The following NRG3 variants were observed in gnomAD, a reference collection of about 807,000 sequenced individuals.
NRG3 encodes pro-neuregulin-3, membrane-bound isoform.
In NRG3, 31 loss-of-function variants were observed where a neutral mutation model predicts 66.9. That is an observed-to-expected ratio of 0.46 (90% CI 0.35 to 0.63). The LOEUF (loss-of-function observed/expected upper bound fraction) is 0.63. Ranked by LOEUF, NRG3 falls within the 20% of genes least tolerant of loss-of-function variation. The pLI, the probability that NRG3 is intolerant of heterozygous loss-of-function variation, is 0.00. For missense variants in NRG3, 910 were observed against 878.9 expected, an observed-to-expected ratio of 1.04 and a Z score of -0.45; for synonymous variants, 393 against 359.4, an observed-to-expected ratio of 1.09 and a Z score of -1.06.
At position 82,460,957 on chromosome 10, in the gene NRG3, G is replaced by A. The variant is rs576692684; in HGVS notation, c.953+102089G>A. ...GCTGTTTTTCACATTACTCTGAAAG[G>A]TTTCTAAGTTATACTTCTTTATGTG... On this transcript the variant is annotated intron_variant, in intron 2 of 8. Transcript: ENST00000372141. Among the ~76,000 whole-genome samples the A allele has an allele frequency of 1.4e-4, 22 of 152,180 alleles. No individual in the cohort carries two copies. In the South Asian group the frequency reaches 4.2e-3, roughly 29 times the overall value.
chr10:82,419,652 A>G (rs1169049114), intron 2 of NRG3, among the ~76,000 whole-genome samples: 3 of 152,180 alleles, frequency 2.0e-5, no homozygotes, highest in African/African-American at 7.2e-5. Context: ...TGTGGAAATA[A>G]TGTATTTTGA....
rs183995920 is a variant in NRG3, at chr10:82,276,864, T to A, written c.824-81875T>A. Among the ~76,000 whole-genome samples, 32 of 152,146 alleles carry A rather than the reference T, an allele frequency of 2.1e-4. No individual in the cohort carries two copies. In the East Asian group the frequency reaches 4.6e-3, roughly 22 times the overall value. The stretch of plus-strand genomic sequence containing the variant: ...GTGTGTGTATAGCACAGAAAACTTA[T>A]CAAACCTTAAAATGTAGCAGTTAAA... On this transcript the variant is annotated intron_variant, in intron 1 of 8. Coordinates refer to ENST00000372141, the MANE Select transcript of NRG3 (RefSeq NM_001010848.4).
At chr10:82,334,101 C>T (rs552320097) in intron 1 of NRG3, among the ~76,000 whole-genome samples, 2 of 132,780 alleles carry the variant, frequency 1.5e-5, no homozygotes, top group East Asian at 2.3e-4. Context: ...ACCCGGAAGG[C>T]GGAGCTTGCA....
At chr10:82,957,195 A>G (rs1414363574) in intron 5 of NRG3, among the ~76,000 whole-genome samples, 1 of 151,956 alleles carries the variant, frequency 6.6e-6, no homozygotes, top group Middle Eastern at 3.2e-3. Flanking sequence ...TGCAGCCACC[A>G]CAGTGTCCGT....
intron 2 of NRG3, among the ~76,000 whole-genome samples, chr10:82,470,312 G>T (rs1240533970): frequency 6.6e-6 from 1 of 152,222 alleles, no homozygotes; most frequent in African/African-American, 2.4e-5. Flanking sequence ...TGAAAGATCT[G>T]TCCTCACTAC....
intron 1 of NRG3, among the ~76,000 whole-genome samples, chr10:82,035,010 A>G (rs939589457): frequency 2.6e-5 from 4 of 152,120 alleles, no homozygotes; most frequent in African/African-American, 4.8e-5. Flanking sequence ...TAAAGTGAAT[A>G]TAGTTTACTC....
At chr10:82,088,734 A>G (rs994825084) in intron 1 of NRG3, among the ~76,000 whole-genome samples, 4 of 152,100 alleles carry the variant, frequency 2.6e-5, no homozygotes, top group Non-Finnish European at 5.9e-5. Flanking sequence ...GACAGGAAGT[A>G]GGGAGCTGTG....
intron 2 of NRG3, among the ~76,000 whole-genome samples, chr10:82,606,668 C>T (rs2047984909): frequency 6.6e-6 from 1 of 152,150 alleles, no homozygotes; most frequent in African/African-American, 2.4e-5. Context: ...TGCTGGTACA[C>T]TTTGACCCAC....
At chr10:82,166,564 A>G (rs2072074846) in intron 1 of NRG3, among the ~76,000 whole-genome samples, 1 of 151,930 alleles carries the variant, frequency 6.6e-6, no homozygotes, top group African/African-American at 2.4e-5. Flanking sequence ...TATTATAAAT[A>G]CTATATTGCA....
chr10:82,302,048 A>G (rs1288119745), intron 1 of NRG3, among the ~76,000 whole-genome samples: 5 of 151,310 alleles, frequency 3.3e-5, no homozygotes, highest in African/African-American at 4.8e-5. Context: ...TTTTTACTGT[A>G]TGTTTTCTTT....
chr10:82,204,249 G>T (rs1392805542), intron 1 of NRG3, among the ~76,000 whole-genome samples: 1 of 152,118 alleles, frequency 6.6e-6, no homozygotes, highest in Non-Finnish European at 1.5e-5. Flanking sequence ...GTAGTAAATA[G>T]TCCTAAAATA....
In NRG3 at chr10:82,749,161, G is replaced by C. The variant is rs577898333; in HGVS notation, c.1027+10511G>C. Among the ~76,000 whole-genome samples the C allele has an allele frequency of 1.2e-4, 18 of 152,216 alleles. 1 individual carries two copies. The East Asian group carries it at 3.5e-3, about 29-fold the overall frequency. On this transcript the variant is annotated intron_variant, in intron 3 of 8. Coordinates refer to ENST00000372141, the MANE Select transcript of NRG3 (RefSeq NM_001010848.4). The stretch of plus-strand genomic sequence containing the variant: ...ACAGTTGCAACTTCAGTTGCAGTCG[G>C]AGTAGGGAAGGCTTTGCTGCAAGCC...
At chr10:82,631,233 T>C (rs1367473727) in intron 2 of NRG3, among the ~76,000 whole-genome samples, 1 of 152,176 alleles carries the variant, frequency 6.6e-6, no homozygotes, top group Non-Finnish European at 1.5e-5. Flanking sequence ...CAGTATTTAC[T>C]AAGAAATATT....
chr10:82,645,704 C>T (rs1305657649), intron 2 of NRG3, among the ~76,000 whole-genome samples: 1 of 152,150 alleles, frequency 6.6e-6, no homozygotes, highest in Non-Finnish European at 1.5e-5. Context: ...CTTCTTCTTA[C>T]GTCTTCCACT....
intron 2 of NRG3, among the ~76,000 whole-genome samples, chr10:82,446,125 A>C (rs1327341957): frequency 6.6e-6 from 1 of 152,188 alleles, no homozygotes; most frequent in Non-Finnish European, 1.5e-5. Flanking sequence ...ATATCCAAGG[A>C]AACTCCCTTC....
At position 81,997,850 on chromosome 10, in the gene NRG3, C is replaced by G. The variant is rs1035035805; in HGVS notation, c.823+121687C>G. 9.5e-5 allele frequency among the ~76,000 whole-genome samples: 14 copies of G among 147,230 alleles called. No homozygotes were observed. The Admixed American group carries it at 9.8e-4, about 10-fold the overall frequency. On this transcript the variant is annotated intron_variant, in intron 1 of 8. Coordinates refer to ENST00000372141, the MANE Select transcript of NRG3 (RefSeq NM_001010848.4). ...TTTGTCTATATGTCTGCCCCCCACCCCCCACCAAAGGCCCAACTTTTTTTT... is the reference window on the plus strand; with the variant it reads ...TTTGTCTATATGTCTGCCCCCCACCGCCCACCAAAGGCCCAACTTTTTTTT...
intron 2 of NRG3, among the ~76,000 whole-genome samples, chr10:82,500,472 T>G (rs1202431518): frequency 6.6e-6 from 1 of 152,236 alleles, no homozygotes; most frequent in African/African-American, 2.4e-5. Flanking sequence ...TGACTACATT[T>G]AATACTACCT....
At chr10:82,060,150 A>G (rs2133223403) in intron 1 of NRG3, among the ~76,000 whole-genome samples, 1 of 152,324 alleles carries the variant, frequency 6.6e-6, no homozygotes, top group South Asian at 2.1e-4. Flanking sequence ...ATTGTCTACA[A>G]AGCCATTTCT....
chr10:82,260,917 A>G (rs1316356155), intron 1 of NRG3, among the ~76,000 whole-genome samples: 1 of 152,158 alleles, frequency 6.6e-6, no homozygotes, highest in Non-Finnish European at 1.5e-5. Flanking sequence ...TCAAAATCTC[A>G]TGTTGAAATG....
Sources: allele counts gnomAD v4.1 joint callset (sites outside exome capture counted in the v4.1 genomes callset), GRCh38; gene constraint gnomAD v4.1.1; transcripts MANE v1.5; gene names NCBI Gene and HGNC (gene_info 2026-07-23, HGNC 2026-07-21).